Variants in RNF123 observed in about 807,000 individuals in gnomAD.
RNF123 encodes the protein E3 ubiquitin-protein ligase RNF123.
A neutral mutation model predicts 168.5 loss-of-function variants in RNF123; 86 were observed. That is an observed-to-expected ratio of 0.51 (90% CI 0.43 to 0.61). RNF123 has a LOEUF of 0.61. Among genes scored for constraint, RNF123 ranks in the 20% least tolerant of loss-of-function variants. The pLI is 0.00. For missense variants in RNF123, 1,419 were observed against 1,729.7 expected, an observed-to-expected ratio of 0.82 and a Z score of 3.19; for synonymous variants, 666 against 689.1, an observed-to-expected ratio of 0.97 and a Z score of 0.52.
At chr3:49,712,452 C>T in intron 26 of RNF123, 27 bp from the exon 27 acceptor site, 1 of 1,611,992 alleles carries the variant, frequency 6.2e-7, no homozygotes, top group South Asian at 1.1e-5. Flanking sequence ...GTGCGCAACC[C>T]AGCAGCACCC....
At chr3:49,704,903 C>T in intron 22 of RNF123, 81 bp from the exon 23 acceptor site, 2 of 1,428,788 alleles carry the variant, frequency 1.4e-6, no homozygotes, top group Non-Finnish European at 1.9e-6. Context: ...GAGGCATGGA[C>T]CCTCCCTCAC....
intron 35 of RNF123, chr3:49,719,311 A>AG (rs1052190359): frequency 6.2e-7 from 1 of 1,613,084 alleles, no homozygotes; most frequent in Non-Finnish European, 8.5e-7. Flanking sequence ...CACGTCCTGC[A>AG]GCCCTAGGCC....
At chr3:49,716,213 C>T (rs747501826) in intron 34 of RNF123, 36 bp downstream of exon 34, 7 of 1,606,268 alleles carry the variant, frequency 4.4e-6, no homozygotes, top group East Asian at 4.5e-5. Flanking sequence ...CAACACACTA[C>T]AGGCCTCGGT....
intron 26 of RNF123, 91 bp from the exon 27 acceptor site, chr3:49,712,388 C>T: frequency 1.6e-6 from 2 of 1,286,510 alleles, no homozygotes; most frequent in Non-Finnish European, 2.2e-6. Context: ...TGTCGTAGGC[C>T]TGGGGAGGCC....
intron 25 of RNF123, 71 bp from the exon 26 acceptor site, chr3:49,706,720 G>A (rs2054527279): frequency 7.3e-7 from 1 of 1,367,732 alleles, no homozygotes; most frequent in South Asian, 1.2e-5. Context: ...TTCCTAGGCT[G>A]CCTGCAGGAT....
rs146225272 is a variant in RNF123 at position 49,701,540 on chromosome 3, C to T, written c.1327C>T (p.Arg443Cys). The T allele has an allele frequency of 7.5e-4, 1,210 of 1,613,826 alleles. 1 individual carries two copies. The highest frequency in any genetic ancestry group is 2.0e-3 in the Middle Eastern group (12 of 6,044). ...CTTCTTTTACATCAAGAGCCCCCTG[C>T]GTGTGGAGGAGGCCGGCCTGCAGGA... is the stretch of plus-strand genomic sequence containing the variant. Reference protein sequence around the residue: ...VVFFYIKSPLRVEEAGLQELI... With the variant: ...VVFFYIKSPLCVEEAGLQELI... The change falls in exon 16 of 39, where the codon CGT becomes TGT. Residue 443 changes from arginine (R) to cysteine (C), a missense_variant. Transcript: ENST00000327697.
intron 26 of RNF123, among the ~76,000 whole-genome samples, chr3:49,710,572 G>A (rs575723649): frequency 1.8e-4 from 27 of 152,322 alleles, no homozygotes; most frequent in Admixed American, 1.6e-3. Flanking sequence ...CAGCAACCGC[G>A]CCTGGCCATA....
rs1264597836 is a variant in RNF123 at position 49,691,321 on chromosome 3, G to A, written c.82+74G>A. The A allele has an allele frequency of 2.2e-5, 34 of 1,579,322 alleles. No individual in the cohort carries two copies. In the East Asian group the frequency reaches 4.7e-4, roughly 22 times the overall value. On this transcript the variant is annotated intron_variant, in intron 2 of 38. Coordinates refer to ENST00000327697, the MANE Select transcript of RNF123 (RefSeq NM_022064.5). ...GGAAGGGACAAAGGCCTCAGGCCTTGCTGCACCTGTGGCTGGCCTAGGACC... is the reference window on the plus strand; with the variant it reads ...GGAAGGGACAAAGGCCTCAGGCCTTACTGCACCTGTGGCTGGCCTAGGACC...
chr3:49,701,665 A>G, intron 16 of RNF123, 57 bp downstream of exon 16: 1 of 1,511,956 alleles, frequency 6.6e-7, no homozygotes, highest in Non-Finnish European at 9.2e-7. Context: ...TGGCCTGGGC[A>G]TCTGGCCACT....
rs772158321 is a variant in RNF123, at chr3:49,697,908, C to T, written c.366C>T (p.Gly122=). The change falls in exon 6 of 39, where the codon GGC becomes GGT. Residue 122 remains glycine (G), a synonymous_variant. Coordinates refer to ENST00000327697, the MANE Select transcript of RNF123 (RefSeq NM_022064.5). ...AGGTGATTGGACACAGCAACTTTGG[C>T]ACCATCCGCTCTACCACATGCGTGT... ...LLGVIGHSNF[G]TIRSTTCVYK... The T allele has an allele frequency of 2.5e-6, 4 of 1,614,202 alleles. No individual in the cohort carries two copies. Among genetic ancestry groups the T allele is most frequent in the Non-Finnish European group, 8.5e-7 (1 of 1,180,038 alleles).
intron 26 of RNF123, among the ~76,000 whole-genome samples, chr3:49,709,530 G>A (rs1400661636): frequency 6.6e-6 from 1 of 152,086 alleles, no homozygotes. Flanking sequence ...TCGATCTCCT[G>A]ACCTCGTGAT....
At chr3:49,700,089 G>C in intron 12 of RNF123, 138 bp from the exon 13 acceptor site, 1 of 1,256,974 alleles carries the variant, frequency 8.0e-7, no homozygotes, top group East Asian at 2.5e-5. Flanking sequence ...GACCCCGGAA[G>C]GGGTCATCTA....
In RNF123 at chr3:49,700,271, G is replaced by A. The variant is rs1208559765; in HGVS notation, c.1029G>A (p.Leu343=). Residue 343 remains leucine, a synonymous_variant, in exon 13 of 39, where the codon CTG becomes CTA. Coordinates refer to ENST00000327697, the MANE Select transcript of RNF123 (RefSeq NM_022064.5). ...AGGCTGTGCTCATGAGCTTCTTGCTGGGCATCGTGGAGAAGGGCACACCCA... is the reference window on the plus strand; with the variant it reads ...AGGCTGTGCTCATGAGCTTCTTGCTAGGCATCGTGGAGAAGGGCACACCCA... ...LVEAVLMSFL[L]GIVEKGTPTQ... is the part of the protein sequence containing the mutation. 1 of 1,614,218 alleles carries A rather than the reference G, an allele frequency of 6.2e-7. No individual in the cohort carries two copies. The highest frequency in any genetic ancestry group is 1.1e-5 in the South Asian group (1 of 91,088).
rs767687032 is a variant in RNF123, at chr3:49,700,477, C to T, written c.1116C>T (p.Tyr372=). ...LDLLWLFMED[Y]EVQDCLKQLM... The stretch of plus-strand genomic sequence containing the variant: ...CTTGGCATCTCTTCCCCCAGGACTA[C>T]GAGGTACAAGATTGCCTCAAGCAGT... Residue 372 remains tyrosine, a synonymous_variant, in exon 14 of 39, where the codon TAC becomes TAT. Coordinates refer to ENST00000327697, the MANE Select transcript of RNF123 (RefSeq NM_022064.5). The T allele has an allele frequency of 1.5e-5, 25 of 1,614,034 alleles. No individual in the cohort carries two copies. Among genetic ancestry groups the T allele is most frequent in the Middle Eastern group, 3.3e-4 (2 of 6,060 alleles).
chr3:49,702,515 T>A lies in RNF123; in HGVS notation c.1629+110T>A. On this transcript the variant is annotated intron_variant, in intron 19 of 38. Coordinates refer to ENST00000327697, the MANE Select transcript of RNF123 (RefSeq NM_022064.5). ...GCCTCATCCCTGCCTAGCCCCAAGC[T>A]TTTCTCTGCTGCTTTTCCCTCCCTG... 4 of 1,605,426 alleles carry A rather than the reference T, an allele frequency of 2.5e-6. 1 individual carries two copies. In the South Asian group the frequency reaches 4.4e-5, roughly 18 times the overall value.
intron 35 of RNF123, chr3:49,717,664 A>G (rs1252263283): frequency 3.9e-6 from 2 of 516,250 alleles, no homozygotes; most frequent in Non-Finnish European, 7.0e-6. Flanking sequence ...TCAGCCTCAC[A>G]GGGCATTTGG....
At chr3:49,706,356 G>A (rs1264714280) in intron 25 of RNF123, among the ~76,000 whole-genome samples, 1 of 152,248 alleles carries the variant, frequency 6.6e-6, no homozygotes, top group Non-Finnish European at 1.5e-5. Context: ...GAGTCAGCAG[G>A]AAGCAGGGCC....
chr3:49,692,421 C>A (rs1046508535), intron 3 of RNF123, among the ~76,000 whole-genome samples: 1 of 152,162 alleles, frequency 6.6e-6, no homozygotes, highest in Admixed American at 6.5e-5. Context: ...GCATGCAATG[C>A]GTAATAATCA....
intron 14 of RNF123, 24 bp from the exon 15 acceptor site, chr3:49,700,612 A>G (rs764236261): frequency 3.1e-6 from 5 of 1,613,746 alleles, no homozygotes; most frequent in African/African-American, 1.3e-5. Flanking sequence ...TCGCCTGTCC[A>G]CTCTGAACGC....
Sources: allele counts gnomAD v4.1 joint callset (sites outside exome capture counted in the v4.1 genomes callset), GRCh38; gene constraint gnomAD v4.1.1; transcripts MANE v1.5; gene names NCBI Gene and HGNC (gene_info 2026-07-23, HGNC 2026-07-21).